Variants in GRIN2B observed in about 807,000 individuals in gnomAD.
GRIN2B encodes glutamate receptor ionotropic, NMDA 2B.
GRIN2B carries 5 observed loss-of-function variants against 114.5 expected under a neutral mutation model. That is an observed-to-expected ratio of 0.04 (90% CI 0.02 to 0.09). The LOEUF (loss-of-function observed/expected upper bound fraction) is 0.09. GRIN2B is among the 10% of genes least tolerant of loss of function. The pLI is 1.00. For synonymous variants in GRIN2B, 787 were observed against 745.1 expected (o/e 1.06, Z -0.92); for missense variants, 1,108 against 1,943.5 (o/e 0.57, Z 8.08).
intron 10 of GRIN2B, among the ~76,000 whole-genome samples, chr12:13,591,312 A>G (rs1949006090): frequency 6.6e-6 from 1 of 152,206 alleles, no homozygotes; most frequent in African/African-American, 2.4e-5. Flanking sequence ...TGCTAGAAAC[A>G]GCGTGGGCTT....
At chr12:13,650,621 C>T (rs995440626) in intron 5 of GRIN2B, among the ~76,000 whole-genome samples, 3 of 152,028 alleles carry the variant, frequency 2.0e-5, no homozygotes, top group African/African-American at 7.2e-5. Context: ...GGAAAAAAGT[C>T]CCACCTCATT....
intron 2 of GRIN2B, among the ~76,000 whole-genome samples, chr12:13,937,824 G>C (rs1565593383): frequency 2.0e-5 from 3 of 152,130 alleles, no homozygotes; most frequent in Non-Finnish European, 4.4e-5. Flanking sequence ...TCATACTAAA[G>C]ACAAGGTGGA....
intron 4 of GRIN2B, among the ~76,000 whole-genome samples, chr12:13,716,067 G>A (rs1950452591): frequency 6.6e-6 from 1 of 151,848 alleles, no homozygotes; most frequent in African/African-American, 2.4e-5. Context: ...TTTTTTAAAA[G>A]CCTACAAAGA....
intron 4 of GRIN2B, among the ~76,000 whole-genome samples, chr12:13,730,496 G>A (rs1591700915): frequency 6.6e-6 from 1 of 152,104 alleles, no homozygotes; most frequent in Non-Finnish European, 1.5e-5. Context: ...CGTTTTTATA[G>A]ATGAAGAAGC....
intron 5 of GRIN2B, among the ~76,000 whole-genome samples, chr12:13,641,072 C>CTTATTATTATTATTA (rs139395602): frequency 3.3e-5 from 5 of 149,456 alleles, no homozygotes; most frequent in South Asian, 2.2e-4. Flanking sequence ...TTGTATCATG[C>CTTATTATTATTATTA]TTATTATTAT....
chr12:13,838,517 G>A (rs141827193), intron 3 of GRIN2B, among the ~76,000 whole-genome samples: 1 of 152,062 alleles, frequency 6.6e-6, no homozygotes, highest in African/African-American at 2.4e-5. Flanking sequence ...TACTTCAATG[G>A]CCTCTTCTGA....
chr12:13,565,369 A>G (rs2136407514), intron 13 of GRIN2B, among the ~76,000 whole-genome samples: 1 of 152,274 alleles, frequency 6.6e-6, no homozygotes, highest in Non-Finnish European at 1.5e-5. Context: ...TCCCTTGTTG[A>G]ATTCTCTCAT....
In GRIN2B at chr12:13,544,830, T is replaced by C. The variant is rs774540713; in HGVS notation, c.*17953A>G. The C allele has an allele frequency of 2.0e-5, 3 of 152,298 alleles. No homozygotes were observed. Among genetic ancestry groups the C allele is most frequent in the Non-Finnish European group, 4.4e-5 (3 of 68,088 alleles). 9.4% of individuals were successfully genotyped at this position (152,298 alleles called of 1,614,324 possible). On this transcript the variant is annotated 3_prime_UTR_variant, in exon 14 of 14. Coordinates refer to ENST00000609686, the MANE Select transcript of GRIN2B (RefSeq NM_000834.5). ...CAACTATGATCTCTTACCAGGATTATTGCAAGAGCTTCCTAACCGGTCTTT... is the reference window on the plus strand; with the variant it reads ...CAACTATGATCTCTTACCAGGATTACTGCAAGAGCTTCCTAACCGGTCTTT...
intron 3 of GRIN2B, among the ~76,000 whole-genome samples, chr12:13,780,286 TAA>T (rs542023307): frequency 1.4e-4 from 20 of 145,696 alleles, no homozygotes; most frequent in African/African-American, 5.0e-4. Context: ...TAGAGCTATT[TAA>T]AAAAAAAAAA....
At chr12:13,807,463 C>A (rs1864624062) in intron 3 of GRIN2B, among the ~76,000 whole-genome samples, 3 of 152,038 alleles carry the variant, frequency 2.0e-5, no homozygotes, top group Admixed American at 6.6e-5. Context: ...ATCTCTCTGA[C>A]CACATTCACC....
chr12:13,641,072 C>CTTATTATTATTA lies in GRIN2B; in HGVS notation c.1126-24427_1126-24416dup, dbSNP rs139395602. ...AACCCTGCTACTTAATTGTATCATG[C>CTTATTATTATTA]TTATTATTATTATTATTATTATTAT... On this transcript the variant is annotated intron_variant, in intron 5 of 13. Transcript: ENST00000609686. 1.0e-3 allele frequency among the ~76,000 whole-genome samples: 150 copies of CTTATTATTATTA among 149,456 alleles called. 1 individual carries two copies. The highest frequency in any genetic ancestry group is 2.5e-3 in the African/African-American group (102 of 40,438).
At chr12:13,742,015 T>A (rs987660075) in intron 4 of GRIN2B, among the ~76,000 whole-genome samples, 2 of 152,254 alleles carry the variant, frequency 1.3e-5, no homozygotes, top group African/African-American at 4.8e-5. Context: ...AGGCTTTTTC[T>A]TGATTATAGG....
intron 3 of GRIN2B, among the ~76,000 whole-genome samples, chr12:13,850,443 C>T (rs575902095): frequency 1.3e-5 from 2 of 152,298 alleles, no homozygotes; most frequent in South Asian, 4.1e-4. Flanking sequence ...CACTCTCAAC[C>T]AGAGTCTAGA....
At chr12:13,839,396 T>G (rs191285937) in intron 3 of GRIN2B, among the ~76,000 whole-genome samples, 37 of 152,146 alleles carry the variant, frequency 2.4e-4, no homozygotes, top group Non-Finnish European at 3.5e-4. Flanking sequence ...TGGAGAAAAT[T>G]TGAAAGTGGT....
At position 13,872,421 on chromosome 12, in the gene GRIN2B, A is replaced by G. The variant is rs1046439608; in HGVS notation, c.-18-6195T>C. Among the ~76,000 whole-genome samples the G allele has an allele frequency of 5.4e-5, 8 of 149,518 alleles. No individual in the cohort carries two copies. In the Admixed American group the frequency reaches 5.4e-4, roughly 10 times the overall value. Reference sequence around the variant, plus strand: ...CAGTGAGCTGAGATCATGCCACTGTACTCCAGCCTGGCAACAGAGCAAGGC... The same window carrying G: ...CAGTGAGCTGAGATCATGCCACTGTGCTCCAGCCTGGCAACAGAGCAAGGC... On this transcript the variant is annotated intron_variant, in intron 2 of 13. Transcript: ENST00000609686.
chr12:13,585,396 C>T (rs1948906157), intron 10 of GRIN2B, among the ~76,000 whole-genome samples: 1 of 152,196 alleles, frequency 6.6e-6, no homozygotes, highest in African/African-American at 2.4e-5. Context: ...GAAATGCCAG[C>T]ATGTGTACTT....
At chr12:13,794,670 A>T (rs1864385750) in intron 3 of GRIN2B, among the ~76,000 whole-genome samples, 1 of 152,252 alleles carries the variant, frequency 6.6e-6, no homozygotes, top group African/African-American at 2.4e-5. Flanking sequence ...ATCAGAAGAA[A>T]TGAGACTAAA....
At chr12:13,711,099 A>G (rs1950410317) in intron 4 of GRIN2B, among the ~76,000 whole-genome samples, 1 of 152,178 alleles carries the variant, frequency 6.6e-6, no homozygotes, top group South Asian at 2.1e-4. Flanking sequence ...CTGATCTTTG[A>G]CAAACCTGAC....
intron 4 of GRIN2B, among the ~76,000 whole-genome samples, chr12:13,684,419 A>C (rs927909838): frequency 4.6e-5 from 7 of 152,194 alleles, no homozygotes; most frequent in African/African-American, 1.7e-4. Flanking sequence ...GCAGAATACC[A>C]AAGTTGCTTC....
Sources: allele counts gnomAD v4.1 joint callset (sites outside exome capture counted in the v4.1 genomes callset), GRCh38; gene constraint gnomAD v4.1.1; transcripts MANE v1.5; gene names NCBI Gene and HGNC (gene_info 2026-07-23, HGNC 2026-07-21).